PPP1R21: variants seen among roughly 807,000 people sequenced by gnomAD.
PPP1R21 encodes KLRAQ motif containing 1.
A neutral mutation model predicts 112.8 loss-of-function variants in PPP1R21; 85 were observed. The observed-to-expected ratio is 0.75, with a 90% confidence interval of 0.63 to 0.90. The LOEUF is 0.90. Ranked by LOEUF, PPP1R21 falls within the 40% of genes least tolerant of loss-of-function variation. The pLI is 0.00. For synonymous variants in PPP1R21, 381 were observed against 322.3 expected (o/e 1.18, Z -1.95); for missense variants, 1,199 against 901.5 (o/e 1.33, Z -4.23).
chr2:48,478,743 G>C (rs1378407950), intron 12 of PPP1R21, among the ~76,000 whole-genome samples: 1 of 152,160 alleles, frequency 6.6e-6, no homozygotes, highest in African/African-American at 2.4e-5. Flanking sequence ...TGGTAAACCA[G>C]GCAGCCCACA....
intron 15 of PPP1R21, among the ~76,000 whole-genome samples, chr2:48,492,856 A>G (rs1669632385): frequency 6.6e-6 from 1 of 152,158 alleles, no homozygotes; most frequent in African/African-American, 2.4e-5. Context: ...AGAAATATGA[A>G]TTTAACCCAT....
Position 48,465,046 on chromosome 2 carries a change from A to G in PPP1R21, c.747+57A>G. 2.2e-6 allele frequency: 3 copies of G among 1,381,072 alleles called. No homozygotes were observed. The South Asian group carries it at 4.0e-5, about 18-fold the overall frequency. The allele number at this position is 1,381,072 out of a possible 1,614,324, so 85.6% of individuals were successfully genotyped here. A position where few individuals can be genotyped will look rare whatever the true frequency, so the allele number is the denominator to read the frequency against. On this transcript the variant is annotated intron_variant, in intron 8 of 21. Coordinates refer to ENST00000294952, the MANE Select transcript of PPP1R21 (RefSeq NM_001135629.3). ...GTTATATATACATCAGACTTTCCAGAAACAAGAATTAGTTGTGTTTGGACC... is the reference window on the plus strand; with the variant it reads ...GTTATATATACATCAGACTTTCCAGGAACAAGAATTAGTTGTGTTTGGACC...
At chr2:48,492,483 T>C (rs775020634) in intron 15 of PPP1R21, among the ~76,000 whole-genome samples, 19 of 152,256 alleles carry the variant, frequency 1.2e-4, no homozygotes, top group Non-Finnish European at 1.9e-4. Flanking sequence ...CATAGAATTC[T>C]ATAATATGGA....
At position 48,511,457 on chromosome 2, in the gene PPP1R21, A is replaced by T; in HGVS notation, c.2302A>T (p.Met768Leu). ...GAGAGAAGAGATTGACACACTAAAG[A>T]TGTCCAGTAAGGTATGTGAGGTGAG... ...KQREEIDTLK[M>L]SSKGNSKKNK... Residue 768 changes from methionine to leucine, a missense_variant, in exon 21 of 22, where the codon ATG (methionine) becomes TTG (leucine). Transcript: ENST00000294952. The T allele has an allele frequency of 6.2e-7, 1 of 1,613,878 alleles. No individual in the cohort carries two copies. Among genetic ancestry groups the T allele is most frequent in the African/African-American group, 1.3e-5 (1 of 75,034 alleles).
Position 48,505,663 on chromosome 2 carries a change from C to G in PPP1R21, c.1968+67C>G, listed in dbSNP as rs867631862. 3.2e-6 allele frequency: 4 copies of G among 1,266,878 alleles called. No individual in the cohort carries two copies. The Middle Eastern group carries it at 7.4e-4, about 234-fold the overall frequency. 78.5% of individuals were successfully genotyped at this position (1,266,878 alleles called of 1,614,324 possible). On this transcript the variant is annotated intron_variant, in intron 18 of 21. Coordinates refer to ENST00000294952, the MANE Select transcript of PPP1R21 (RefSeq NM_001135629.3). Reference sequence around the variant, plus strand: ...TGGCAGCATGTTTGTTGACAAAGTCCTGCAAAAGCCATCTTTGTCTAATTG... The same window carrying G: ...TGGCAGCATGTTTGTTGACAAAGTCGTGCAAAAGCCATCTTTGTCTAATTG...
At chr2:48,484,385 T>C (rs954776135) in intron 13 of PPP1R21, among the ~76,000 whole-genome samples, 1 of 152,178 alleles carries the variant, frequency 6.6e-6, no homozygotes, top group African/African-American at 2.4e-5. Flanking sequence ...GGTAGACTCG[T>C]GGGAAACATA....
At chr2:48,503,405 C>T (rs920168370) in intron 17 of PPP1R21, among the ~76,000 whole-genome samples, 1 of 151,988 alleles carries the variant, frequency 6.6e-6, no homozygotes, top group African/African-American at 2.4e-5. Context: ...CTTAGTTTAC[C>T]TATGATTAGA....
At chr2:48,441,257 C>G (rs1667016700) in intron 1 of PPP1R21, 1 of 566,736 alleles carries the variant, frequency 1.8e-6, no homozygotes, top group East Asian at 3.3e-5. Context: ...TTCCTTTTCA[C>G]TGAAGTAGCG....
chr2:48,470,004 G>A (rs1188931357), intron 9 of PPP1R21, among the ~76,000 whole-genome samples: 1 of 151,864 alleles, frequency 6.6e-6, no homozygotes, highest in Non-Finnish European at 1.5e-5. Context: ...TAGTGGATGG[G>A]GTCAGTTGAA....
chr2:48,440,903 A>G lies in PPP1R21; in HGVS notation c.-51A>G. The stretch of plus-strand genomic sequence containing the variant: ...GAGCGTGTCTGGGTTTGGGGGCGGG[A>G]GACAGGCTGAGCCGCCTGGGCGGCC... On this transcript the variant is annotated 5_prime_UTR_variant, in exon 1 of 22. Coordinates refer to ENST00000294952, the MANE Select transcript of PPP1R21 (RefSeq NM_001135629.3). The G allele has an allele frequency of 8.1e-7, 1 of 1,230,198 alleles. No homozygotes were observed. The highest frequency in any genetic ancestry group is 1.1e-6 in the Non-Finnish European group (1 of 869,726). The allele number at this position is 1,230,198 out of a possible 1,614,324, so 76.2% of individuals were successfully genotyped here.
intron 17 of PPP1R21, among the ~76,000 whole-genome samples, chr2:48,499,013 G>T (rs1482016963): frequency 6.6e-6 from 1 of 151,994 alleles, no homozygotes; most frequent in Non-Finnish European, 1.5e-5. Flanking sequence ...AGAAGGGTCA[G>T]GTGAGCTCTC....
chr2:48,459,382 T>C lies in PPP1R21; in HGVS notation c.376-372T>C, dbSNP rs114357230. Among the ~76,000 whole-genome samples the C allele has an allele frequency of 4.6e-3, 698 of 152,350 alleles. 3 individuals carry two copies. The highest frequency in any genetic ancestry group is 8.3e-3 in the Non-Finnish European group (563 of 68,026). Reference sequence around the variant, plus strand: ...GAAAGTTAGCTTAGTAGAAAAGTTATACTCTGATCAATTGAATTCTATGTA... The same window carrying C: ...GAAAGTTAGCTTAGTAGAAAAGTTACACTCTGATCAATTGAATTCTATGTA... On this transcript the variant is annotated intron_variant, in intron 4 of 21. Transcript: ENST00000294952.
chr2:48,483,989 A>C (rs1288701884), intron 13 of PPP1R21, among the ~76,000 whole-genome samples: 1 of 152,042 alleles, frequency 6.6e-6, no homozygotes, highest in African/African-American at 2.4e-5. Context: ...TGCCCAGCCT[A>C]ATGTATTACT....
chr2:48,498,786 T>A, intron 17 of PPP1R21, 51 bp downstream of exon 17: 1 of 1,578,926 alleles, frequency 6.3e-7, no homozygotes. Context: ...TGCTAATTGG[T>A]AAGTATCTAA....
At chr2:48,498,418 C>G in intron 16 of PPP1R21, 75 bp from the exon 17 acceptor site, 1 of 1,504,940 alleles carries the variant, frequency 6.6e-7, no homozygotes, top group South Asian at 1.2e-5. Flanking sequence ...GGTTTACATT[C>G]TGTAAGATAG....
chr2:48,441,893 C>G (rs920285140), intron 1 of PPP1R21, among the ~76,000 whole-genome samples: 27 of 152,164 alleles, frequency 1.8e-4, no homozygotes, highest in African/African-American at 5.6e-4. Flanking sequence ...ATGGTAATTC[C>G]TTTTTGCAAT....
chr2:48,477,892 G>A (rs1487526758), intron 12 of PPP1R21, among the ~76,000 whole-genome samples: 1 of 152,162 alleles, frequency 6.6e-6, no homozygotes, highest in Non-Finnish European at 1.5e-5. Flanking sequence ...GTGATCTCCT[G>A]TGGAGATGGG....
chr2:48,457,122 A>G (rs953923205), intron 3 of PPP1R21, among the ~76,000 whole-genome samples: 3 of 152,150 alleles, frequency 2.0e-5, no homozygotes, highest in Admixed American at 6.5e-5. Context: ...CTGAACTTCA[A>G]ACATGTTCTT....
At chr2:48,468,394 T>C (rs548372689) in intron 9 of PPP1R21, among the ~76,000 whole-genome samples, 20 of 152,318 alleles carry the variant, frequency 1.3e-4, no homozygotes, top group Non-Finnish European at 2.6e-4. Flanking sequence ...AAATTAAACA[T>C]TGGGCCTTTG....
Sources: gnomAD v4.1 joint callset for allele counts (sites outside exome capture counted in the v4.1 genomes callset) on GRCh38, gnomAD v4.1.1 for gene constraint, MANE v1.5 for transcripts, NCBI Gene and HGNC (gene_info 2026-07-23, HGNC 2026-07-21) for gene names.